DMD: variants seen among roughly 807,000 people sequenced by gnomAD.
DMD encodes dystrophin.
DMD carries 63 observed loss-of-function variants against 330.1 expected under a neutral mutation model. The ratio of observed to expected loss-of-function variants is 0.19; its 90% confidence interval spans 0.16 to 0.24. The LOEUF is 0.24. Ranked by LOEUF, DMD falls within the 10% of genes least tolerant of loss-of-function variation. DMD has a pLI of 1.00. For synonymous variants in DMD, 1,223 were observed against 959.8 expected, an observed-to-expected ratio of 1.27 and a Z score of -5.07; for missense variants, 3,344 against 2,684.1, an observed-to-expected ratio of 1.25 and a Z score of -5.43.
intron 7 of DMD, among the ~76,000 whole-genome samples, chrX:32,723,688 T>C (rs143685247): frequency 0.017 from 1,840 of 111,098 alleles, 43 homozygotes; most frequent in African/African-American, 0.056. Flanking sequence ...ACAGTTATTA[T>C]GGAAGATAAT....
chrX:32,626,095 A>G (rs770881512), intron 11 of DMD, among the ~76,000 whole-genome samples: 1 of 112,575 alleles, frequency 8.9e-6, no homozygotes, highest in African/African-American at 3.2e-5. Flanking sequence ...TTTTTAATGC[A>G]TGTTTTTACT....
At chrX:33,121,172 A>G (rs1441528358) in intron 1 of DMD, among the ~76,000 whole-genome samples, 1 of 110,435 alleles carries the variant, frequency 9.1e-6, no homozygotes, top group Admixed American at 9.8e-5. Flanking sequence ...TGGTTCCTCA[A>G]ATCTCAAATC....
intron 2 of DMD, among the ~76,000 whole-genome samples, chrX:32,885,831 A>AGGG (rs2084487994): frequency 9.5e-6 from 1 of 105,143 alleles, no homozygotes; most frequent in African/African-American, 3.6e-5. Flanking sequence ...GAGGGGGAAA[A>AGGG]AAAAAAAAAA....
At chrX:33,293,263 G>T (rs1356115630) in intron 1 of DMD, among the ~76,000 whole-genome samples, 1 of 111,444 alleles carries the variant, frequency 9.0e-6, no homozygotes, top group Non-Finnish European at 1.9e-5. Context: ...ATTGAGATTA[G>T]AACTGAGCTA....
intron 66 of DMD, among the ~76,000 whole-genome samples, chrX:31,205,599 C>G (rs2043988110): frequency 1.8e-5 from 2 of 112,342 alleles, no homozygotes; most frequent in Admixed American, 1.9e-4. Context: ...ACAGGTATCC[C>G]ATCTCATCCG....
At chrX:31,416,804 G>A (rs949121406) in intron 60 of DMD, among the ~76,000 whole-genome samples, 1 of 111,956 alleles carries the variant, frequency 8.9e-6, no homozygotes, top group Non-Finnish European at 1.9e-5. Context: ...ATTCACTTAG[G>A]TCAGTTCACA....
rs753399621 is a variant in DMD, at chrX:32,640,231, TATA to T, written c.1331+3898_1331+3900del. Among the ~76,000 whole-genome samples, 11 of 108,910 alleles carry T rather than the reference TATA, an allele frequency of 1.0e-4. No individual in the cohort carries two copies. In the South Asian group the frequency reaches 4.4e-3, roughly 44 times the overall value. 94.6% of individuals were successfully genotyped at this position (108,910 alleles called of 115,157 possible). On this transcript the variant is annotated intron_variant, in intron 11 of 78. Coordinates refer to ENST00000357033, the MANE Select transcript of DMD (RefSeq NM_004006.3). ...ATCACAGTTATCTTTCTTCACATTT[TATA>T]ATAATTTTGCATTCACAAACTAACT...
At chrX:31,502,417 G>GT (rs1425969294) in intron 56 of DMD, among the ~76,000 whole-genome samples, 1 of 110,638 alleles carries the variant, frequency 9.0e-6, no homozygotes, top group African/African-American at 3.3e-5. Context: ...CCAAGTTGCA[G>GT]TTTTCTCTCA....
chrX:32,553,142 AAT>A (rs1248345539), intron 16 of DMD, among the ~76,000 whole-genome samples: 1 of 112,118 alleles, frequency 8.9e-6, no homozygotes, highest in Non-Finnish European at 1.9e-5. Context: ...CATTATTCAC[AAT>A]AGCAAACACA....
chrX:31,201,613 G>C (rs1313800839), intron 67 of DMD, among the ~76,000 whole-genome samples: 1 of 111,947 alleles, frequency 8.9e-6, no homozygotes, highest in African/African-American at 3.3e-5. Context: ...CCTGATAAGG[G>C]GGGCAGCCCA....
chrX:33,129,653 G>A (rs1456291350), intron 1 of DMD, among the ~76,000 whole-genome samples: 1 of 108,994 alleles, frequency 9.2e-6, no homozygotes, highest in Non-Finnish European at 1.9e-5. Flanking sequence ...TCAATTTTCA[G>A]ATGCGGAAAT....
At chrX:31,815,861 C>T (rs1054763162) in intron 50 of DMD, among the ~76,000 whole-genome samples, 1 of 111,684 alleles carries the variant, frequency 9.0e-6, no homozygotes, top group African/African-American at 3.3e-5. Context: ...CTTCCACCCG[C>T]CCTCTCTTGG....
chrX:31,402,615 G>A (rs1331899928), intron 60 of DMD, among the ~76,000 whole-genome samples: 2 of 112,168 alleles, frequency 1.8e-5, no homozygotes, highest in African/African-American at 6.5e-5. Context: ...CCAAAAGAAA[G>A]AGCCTAGAAT....
intron 41 of DMD, among the ~76,000 whole-genome samples, chrX:32,323,052 C>A (rs746285012): frequency 8.9e-6 from 1 of 111,933 alleles, no homozygotes; most frequent in Admixed American, 9.5e-5. Context: ...AGTCATCGAT[C>A]GAACACATTT....
chrX:33,322,928 G>A (rs779302748), intron 1 of DMD, among the ~76,000 whole-genome samples: 40 of 110,845 alleles, frequency 3.6e-4, no homozygotes, highest in East Asian at 8.6e-4. Flanking sequence ...ACTTTATGTC[G>A]TTTTTATTCT....
At chrX:31,563,253 CG>C (rs1342189877) in intron 55 of DMD, among the ~76,000 whole-genome samples, 2 of 110,576 alleles carry the variant, frequency 1.8e-5, no homozygotes. Context: ...TTAGTAGAGA[CG>C]GGGTTTCACC....
intron 62 of DMD, among the ~76,000 whole-genome samples, chrX:31,295,285 G>A (rs780845720): frequency 6.2e-4 from 69 of 111,034 alleles, no homozygotes; most frequent in East Asian, 5.7e-3. Context: ...GTGAGCCACC[G>A]CGCCCGGCCG....
intron 61 of DMD, among the ~76,000 whole-genome samples, chrX:31,340,586 C>A (rs2057675144): frequency 8.9e-6 from 1 of 111,782 alleles, no homozygotes; most frequent in Non-Finnish European, 1.9e-5. Context: ...TTGAAGTCAG[C>A]CTTTTCCCTT....
chrX:32,399,299 A>C (rs1309215013), intron 30 of DMD, among the ~76,000 whole-genome samples: 1 of 111,765 alleles, frequency 8.9e-6, no homozygotes, highest in Non-Finnish European at 1.9e-5. Context: ...TGAAGAGACA[A>C]CCCATGGAAT....
Sources: gnomAD v4.1 joint callset for allele counts (sites outside exome capture counted in the v4.1 genomes callset) on GRCh38, gnomAD v4.1.1 for gene constraint, MANE v1.5 for transcripts, NCBI Gene and HGNC (gene_info 2026-07-23, HGNC 2026-07-21) for gene names.